TAFA2: variants seen among roughly 807,000 people sequenced by gnomAD.
TAFA2 encodes chemokine-like protein TAFA-2.
TAFA2 carries 7 observed loss-of-function variants against 18.8 expected under a neutral mutation model. That is an observed-to-expected ratio of 0.37 (90% CI 0.21 to 0.70). The LOEUF (loss-of-function observed/expected upper bound fraction) is 0.70, where lower values mean the gene tolerates loss of function less well. TAFA2 is among the 30% of genes least tolerant of loss of function. TAFA2 has a pLI of 0.53. For synonymous variants in TAFA2, 60 were observed against 54.2 expected, an observed-to-expected ratio of 1.11 and a Z score of -0.47; for missense variants, 122 against 158.1, an observed-to-expected ratio of 0.77 and a Z score of 1.23.
At chr12:62,248,489 G>A (rs140579876) in intron 1 of TAFA2, among the ~76,000 whole-genome samples, 11 of 152,306 alleles carry the variant, frequency 7.2e-5, no homozygotes, top group Admixed American at 6.5e-4. Flanking sequence ...TCACTTTTAT[G>A]AGGTGTATAA....
intron 4 of TAFA2, among the ~76,000 whole-genome samples, chr12:61,713,358 G>T (rs1369884758): frequency 6.6e-6 from 1 of 152,120 alleles, no homozygotes; most frequent in Non-Finnish European, 1.5e-5. Flanking sequence ...GAGTCTCTGA[G>T]CCTACTCTTG....
At chr12:62,011,585 C>A (rs999927502) in intron 1 of TAFA2, among the ~76,000 whole-genome samples, 2 of 152,030 alleles carry the variant, frequency 1.3e-5, no homozygotes, top group African/African-American at 4.8e-5. Context: ...TCCCTAATCT[C>A]AAGTACCCAG....
At chr12:62,066,568 T>C (rs1882494242) in intron 1 of TAFA2, among the ~76,000 whole-genome samples, 1 of 152,200 alleles carries the variant, frequency 6.6e-6, no homozygotes, top group South Asian at 2.1e-4. Context: ...AATGTTTGTT[T>C]GTTTGTTTCT....
At chr12:62,138,279 G>C (rs1379527501) in intron 1 of TAFA2, among the ~76,000 whole-genome samples, 1 of 152,028 alleles carries the variant, frequency 6.6e-6, no homozygotes, top group African/African-American at 2.4e-5. Context: ...GTGGGACCCT[G>C]TCTCTAAAAA....
At chr12:62,133,970 C>T (rs1870792935) in intron 1 of TAFA2, among the ~76,000 whole-genome samples, 1 of 152,068 alleles carries the variant, frequency 6.6e-6, no homozygotes, top group Non-Finnish European at 1.5e-5. Flanking sequence ...TCTCACGATA[C>T]TCTACTCCTA....
chr12:61,848,771 A>G (rs2121152260), intron 2 of TAFA2, among the ~76,000 whole-genome samples: 1 of 152,146 alleles, frequency 6.6e-6, no homozygotes, highest in East Asian at 1.9e-4. Flanking sequence ...CAGTAAAATT[A>G]AAAATTTGCA....
At chr12:61,791,054 C>T (rs569703862) in intron 2 of TAFA2, among the ~76,000 whole-genome samples, 2 of 151,768 alleles carry the variant, frequency 1.3e-5, no homozygotes, top group South Asian at 4.1e-4. Context: ...GAAATAAATA[C>T]ACACATCAGC....
intron 2 of TAFA2, among the ~76,000 whole-genome samples, chr12:61,836,756 T>TATATATATATATATATACACACACAC (rs68158949): frequency 8.3e-6 from 1 of 119,848 alleles, no homozygotes; most frequent in African/African-American, 2.8e-5. Context: ...TATATATATA[T>TATATATATATATATATACACACACAC]ACACACACAC....
chr12:61,999,426 C>T (rs1042847484), intron 1 of TAFA2, among the ~76,000 whole-genome samples: 27 of 152,254 alleles, frequency 1.8e-4, no homozygotes, highest in African/African-American at 6.0e-4. Context: ...GTTTTAAAGT[C>T]TTGCATAAGA....
At chr12:61,807,504 G>C (rs930900098) in intron 2 of TAFA2, among the ~76,000 whole-genome samples, 4 of 151,386 alleles carry the variant, frequency 2.6e-5, no homozygotes, top group Non-Finnish European at 5.9e-5. Flanking sequence ...CCCACACAGA[G>C]TCCCTACTGG....
chr12:61,982,219 C>T (rs1021538406), intron 1 of TAFA2, among the ~76,000 whole-genome samples: 3 of 152,116 alleles, frequency 2.0e-5, no homozygotes, highest in Non-Finnish European at 4.4e-5. Flanking sequence ...TGTTCTCACT[C>T]ATAGGTGGGA....
intron 2 of TAFA2, among the ~76,000 whole-genome samples, chr12:61,787,704 A>C (rs1486569838): frequency 1.3e-5 from 2 of 151,638 alleles, no homozygotes; most frequent in Non-Finnish European, 3.0e-5. Flanking sequence ...CAACAGACAC[A>C]CAAATAAGAA....
At chr12:61,714,919 G>A (rs553130820) in intron 4 of TAFA2, among the ~76,000 whole-genome samples, 185 of 152,272 alleles carry the variant, frequency 1.2e-3, no homozygotes, top group Non-Finnish European at 2.2e-3. Flanking sequence ...GGCTTTGTTC[G>A]GCAGACTGCC....
At chr12:61,943,921 C>A in intron 1 of TAFA2, among the ~76,000 whole-genome samples, 1 of 144,254 alleles carries the variant, frequency 6.9e-6, no homozygotes, top group Non-Finnish European at 1.5e-5. Flanking sequence ...CAAGGATACC[C>A]AGGAATTAAA....
intron 1 of TAFA2, among the ~76,000 whole-genome samples, chr12:61,953,321 A>G (rs2121457398): frequency 6.6e-6 from 1 of 152,280 alleles, no homozygotes; most frequent in Admixed American, 6.5e-5. Flanking sequence ...GGTCTCTGTA[A>G]TAAAAAAGTT....
intron 1 of TAFA2, among the ~76,000 whole-genome samples, chr12:61,999,165 G>A (rs761508261): frequency 1.3e-5 from 2 of 152,118 alleles, no homozygotes; most frequent in East Asian, 1.9e-4. Context: ...AATTCTAGGG[G>A]GTAGTTCCCA....
chr12:61,749,121 A>C (rs1332769541), intron 4 of TAFA2, among the ~76,000 whole-genome samples: 2 of 151,808 alleles, frequency 1.3e-5, no homozygotes, highest in Admixed American at 6.6e-5. Context: ...AAAAAAAAAA[A>C]AAATAGCTGG....
chr12:62,026,028 A>G lies in TAFA2; in HGVS notation c.-1-158602T>C, dbSNP rs112879963. 3.5e-3 allele frequency among the ~76,000 whole-genome samples: 535 copies of G among 152,250 alleles called. 4 individuals carry two copies. Among genetic ancestry groups the G allele is most frequent in the African/African-American group, 0.012 (497 of 41,554 alleles). ...ATATTTTAGTACATGCAGGAACCCA[A>G]TCAATGAGGATCGTTAATAATTTAA... On this transcript the variant is annotated intron_variant, in intron 1 of 4. Transcript: ENST00000416284.
At chr12:61,858,445 A>T (rs971752360) in intron 2 of TAFA2, among the ~76,000 whole-genome samples, 1 of 152,066 alleles carries the variant, frequency 6.6e-6, no homozygotes, top group Admixed American at 6.6e-5. Flanking sequence ...ATTATTTTTT[A>T]TTATTATTAT....
Sources: allele counts gnomAD v4.1 joint callset (sites outside exome capture counted in the v4.1 genomes callset), GRCh38; gene constraint gnomAD v4.1.1; transcripts MANE v1.5; gene names NCBI Gene and HGNC (gene_info 2026-07-23, HGNC 2026-07-21).